DYM: variants seen among roughly 807,000 people sequenced by gnomAD.
DYM encodes the protein dymeclin, also known as dyggve-Melchior-Clausen syndrome protein.
DYM carries 78 observed loss-of-function variants against 93.1 expected under a neutral mutation model. The ratio of observed to expected loss-of-function variants is 0.84; its 90% CI spans 0.70 to 1.01. The LOEUF is 1.01. Among genes scored for constraint, DYM ranks in the 50% least tolerant of loss-of-function variants. The probability of loss-of-function intolerance (pLI) is 0.00; values close to 1 mark genes in which losing one functional copy is unlikely to be tolerated. For synonymous variants in DYM, 321 were observed against 319.7 expected (o/e 1.00, Z -0.04); for missense variants, 789 against 845.0 (o/e 0.93, Z 0.82).
At chr18:49,070,886 T>C (rs2076827904) in intron 17 of DYM, among the ~76,000 whole-genome samples, 2 of 152,226 alleles carry the variant, frequency 1.3e-5, no homozygotes, top group South Asian at 4.1e-4. Flanking sequence ...ATAAATATAA[T>C]GATCAAGAGT....
chr18:49,212,740 A>G (rs1320022077), intron 13 of DYM, among the ~76,000 whole-genome samples: 4 of 152,172 alleles, frequency 2.6e-5, no homozygotes, highest in African/African-American at 9.7e-5. Flanking sequence ...CAAGTGATCC[A>G]TCCACCCTGG....
At position 49,080,150 on chromosome 18, in the gene DYM, C is replaced by CGGGGTG. The variant is rs1555742969; in HGVS notation, c.2025+17251_2025+17252insCACCCC. Among the ~76,000 whole-genome samples, 7 of 10,132 alleles carry CGGGGTG rather than the reference C, an allele frequency of 6.9e-4. 2 individuals carry two copies. Among genetic ancestry groups the CGGGGTG allele is most frequent in the Admixed American group, 4.3e-3 (5 of 1,158 alleles). 6.6% of individuals were successfully genotyped at this position (10,132 alleles called of 152,430 possible). On this transcript the variant is annotated intron_variant, in intron 17 of 17. Coordinates refer to ENST00000675505, the MANE Select transcript of DYM (RefSeq NM_001353214.3). ...CTCCCTCCCGGACGGGGCGGCTGGC[C>CGGGGTG]GGGGGGGGGCTGACCCCCCCACCTC...
intron 15 of DYM, among the ~76,000 whole-genome samples, chr18:49,128,525 G>C (rs1371350481): frequency 6.6e-6 from 1 of 152,140 alleles, no homozygotes; most frequent in Admixed American, 6.5e-5. Context: ...CCAAATCTGA[G>C]ATCCAGGAGT....
intron 6 of DYM, among the ~76,000 whole-genome samples, chr18:49,337,292 G>A (rs2063741863): frequency 6.6e-6 from 1 of 152,176 alleles, no homozygotes; most frequent in Admixed American, 6.5e-5. Context: ...TGTTGATTTT[G>A]CCTGACCAAC....
chr18:49,061,197 T>G (rs2075962844), intron 17 of DYM, among the ~76,000 whole-genome samples: 1 of 152,046 alleles, frequency 6.6e-6, no homozygotes, highest in African/African-American at 2.4e-5. Context: ...AGTGTGCAAA[T>G]AAGTGTAATC....
chr18:49,336,547 A>C (rs551310711), intron 6 of DYM, among the ~76,000 whole-genome samples: 5 of 152,218 alleles, frequency 3.3e-5, no homozygotes, highest in Admixed American at 6.5e-5. Flanking sequence ...CCAAATTCCT[A>C]AACAGAACCA....
At chr18:49,334,497 T>G (rs1413112475) in intron 6 of DYM, among the ~76,000 whole-genome samples, 2 of 152,124 alleles carry the variant, frequency 1.3e-5, no homozygotes, top group Non-Finnish European at 2.9e-5. Context: ...AGAAAAAGAT[T>G]CAGCTGAACA....
At chr18:49,165,876 A>G (rs563020573) in intron 14 of DYM, among the ~76,000 whole-genome samples, 2 of 152,288 alleles carry the variant, frequency 1.3e-5, no homozygotes, top group South Asian at 4.1e-4. Flanking sequence ...GAAAAAGAAG[A>G]AAGAGTTATC....
At chr18:49,397,152 C>T (rs887937274) in intron 2 of DYM, among the ~76,000 whole-genome samples, 1 of 152,168 alleles carries the variant, frequency 6.6e-6, no homozygotes, top group African/African-American at 2.4e-5. Flanking sequence ...TGCATCGAAA[C>T]ATCATATGGT....
At position 49,310,844 on chromosome 18, in the gene DYM, C is replaced by T. The variant is rs370563447; in HGVS notation, c.763+21020G>A. Among the ~76,000 whole-genome samples, 19 of 152,006 alleles carry T rather than the reference C, an allele frequency of 1.2e-4. No homozygotes were observed. In the South Asian group the frequency reaches 4.0e-3, roughly 32 times the overall value. On this transcript the variant is annotated intron_variant, in intron 8 of 17. Coordinates refer to ENST00000675505, the MANE Select transcript of DYM (RefSeq NM_001353214.3). Reference sequence around the variant, plus strand: ...CTAGCCAAATGTTGTTCAATTGAAACAATAAGGGCCACATTTATAATGTTA... The same window carrying T: ...CTAGCCAAATGTTGTTCAATTGAAATAATAAGGGCCACATTTATAATGTTA...
At chr18:49,233,807 C>T (rs1240798633) in intron 13 of DYM, among the ~76,000 whole-genome samples, 1 of 152,120 alleles carries the variant, frequency 6.6e-6, no homozygotes, top group Non-Finnish European at 1.5e-5. Context: ...TGAAGGTCTC[C>T]TGGCAGCTTC....
intron 15 of DYM, among the ~76,000 whole-genome samples, chr18:49,153,563 A>T (rs1179446859): frequency 1.3e-5 from 2 of 152,244 alleles, no homozygotes; most frequent in Non-Finnish European, 2.9e-5. Context: ...GGCAGAGGAC[A>T]CAACATGAAA....
chr18:49,194,516 T>A (rs1217503254), intron 14 of DYM, among the ~76,000 whole-genome samples: 1 of 152,216 alleles, frequency 6.6e-6, no homozygotes, highest in Admixed American at 6.5e-5. Flanking sequence ...ATGCCAAAAT[T>A]CTCATGACAT....
At chr18:49,055,709 C>T (rs546456235) in intron 17 of DYM, among the ~76,000 whole-genome samples, 1 of 152,208 alleles carries the variant, frequency 6.6e-6, no homozygotes, top group Non-Finnish European at 1.5e-5. Context: ...ATGCCGAGGG[C>T]CAAATGGGCA....
rs1191943009 is a variant in DYM, at chr18:49,037,725, T to A, written c.*6330A>T. Among the ~76,000 whole-genome samples the A allele has an allele frequency of 1.3e-5, 2 of 152,236 alleles. No individual in the cohort carries two copies. The highest frequency in any genetic ancestry group is 2.9e-5 in the Non-Finnish European group (2 of 68,052). ...ACAGATGGGTTACCTGGAAATCTAT[T>A]TCCAAAAATATGAGGATTATAAAAT... On this transcript the variant is annotated 3_prime_UTR_variant, in exon 18 of 18. Transcript: ENST00000675505.
At chr18:49,225,060 C>T (rs931916744) in intron 13 of DYM, among the ~76,000 whole-genome samples, 1 of 152,114 alleles carries the variant, frequency 6.6e-6, no homozygotes, top group African/African-American at 2.4e-5. Flanking sequence ...CAATTCTTTT[C>T]ATTAGTAACA....
chr18:49,311,099 G>T (rs1313257295), intron 8 of DYM, among the ~76,000 whole-genome samples: 1 of 152,188 alleles, frequency 6.6e-6, no homozygotes, highest in East Asian at 1.9e-4. Context: ...AAAGTCACAT[G>T]TGGCTAGAGG....
rs563832000 is a variant in DYM, at chr18:49,097,263, C to T, written c.2025+139G>A. 237 of 754,718 alleles carry T rather than the reference C, an allele frequency of 3.1e-4. 1 individual carries two copies. The Middle Eastern group carries it at 3.8e-3, about 12-fold the overall frequency. 46.8% of individuals were successfully genotyped at this position (754,718 alleles called of 1,614,324 possible). A position where few individuals can be genotyped will look rare whatever the true frequency, so the allele number is the denominator to read the frequency against. The stretch of plus-strand genomic sequence containing the variant: ...GCTTCTTTTGAAAAGCTGTCAGAAA[C>T]CTTTGTCACAGTTCTGAGGAGCCCT... On this transcript the variant is annotated intron_variant, in intron 17 of 17. Transcript: ENST00000675505.
At chr18:49,424,708 A>T (rs2074087478) in intron 2 of DYM, among the ~76,000 whole-genome samples, 2 of 152,200 alleles carry the variant, frequency 1.3e-5, no homozygotes, top group Non-Finnish European at 2.9e-5. Context: ...CAGGATACAA[A>T]ATCAATGTAT....
Sources: gnomAD v4.1 joint callset for allele counts (sites outside exome capture counted in the v4.1 genomes callset) on GRCh38, gnomAD v4.1.1 for gene constraint, MANE v1.5 for transcripts, NCBI Gene and HGNC (gene_info 2026-07-23, HGNC 2026-07-21) for gene names.